Variants in SMG6 observed in about 807,000 individuals in gnomAD.
The protein encoded by SMG6 is SMG6 nonsense mediated mRNA decay factor, also known as telomerase-binding protein EST1A.
In SMG6, 66 loss-of-function variants were observed where a neutral mutation model predicts 142.2. The observed-to-expected ratio is 0.46, with a 90% confidence interval of 0.38 to 0.57. The LOEUF is 0.57. Ranked by LOEUF, SMG6 falls within the 20% of genes least tolerant of loss-of-function variation. SMG6 has a pLI of 0.00. For missense variants in SMG6, 1,793 were observed against 1,832.0 expected (o/e 0.98, Z 0.39); for synonymous variants, 779 against 702.4 (o/e 1.11, Z -1.72).
intron 13 of SMG6, among the ~76,000 whole-genome samples, chr17:2,165,294 A>C (rs2071302663): frequency 6.6e-6 from 1 of 152,126 alleles, no homozygotes; most frequent in Admixed American, 6.5e-5. Flanking sequence ...AAAAAAAAAA[A>C]ACTGAAAACT....
chr17:2,296,370 A>C (rs1229394947), intron 4 of SMG6, among the ~76,000 whole-genome samples: 1 of 152,132 alleles, frequency 6.6e-6, no homozygotes, highest in Non-Finnish European at 1.5e-5. Context: ...TCAGCTTGAC[A>C]ATCTCCAAGA....
intron 8 of SMG6, among the ~76,000 whole-genome samples, chr17:2,278,364 A>G (rs4790323): frequency 0.74 from 111,767 of 151,882 alleles, 41,613 homozygotes; most frequent in African/African-American, 0.79. Context: ...CACTATGCCC[A>G]GGTAACTTTT....
At chr17:2,257,996 G>A (rs1385616366) in intron 8 of SMG6, among the ~76,000 whole-genome samples, 1 of 123,726 alleles carries the variant, frequency 8.1e-6, no homozygotes, top group South Asian at 2.7e-4. Context: ...GCGACAAAGC[G>A]AGACTCTGTC....
At chr17:2,258,492 G>T (rs1465661185) in intron 8 of SMG6, among the ~76,000 whole-genome samples, 1 of 151,688 alleles carries the variant, frequency 6.6e-6, no homozygotes, top group Non-Finnish European at 1.5e-5. Flanking sequence ...GGGAAATGGA[G>T]GTTGCAGTGA....
chr17:2,224,716 AAACCAACCAACCAACC>A (rs34427018), intron 10 of SMG6, among the ~76,000 whole-genome samples: 14 of 152,046 alleles, frequency 9.2e-5, no homozygotes, highest in African/African-American at 3.4e-4. Flanking sequence ...ACTGATAGGA[AAACCAACCAACCAACC>A]AACCAACCAA....
chr17:2,255,183 T>C (rs2074138513), intron 8 of SMG6, among the ~76,000 whole-genome samples: 2 of 151,630 alleles, frequency 1.3e-5, no homozygotes. Flanking sequence ...GGCGGGCGGA[T>C]CACGAGGTCA....
At chr17:2,072,686 A>C (rs551940932) in intron 15 of SMG6, 1 of 152,306 alleles carries the variant, frequency 6.6e-6, no homozygotes, top group South Asian at 2.1e-4. Context: ...GCACTTGGAG[A>C]ACCTGGATCA....
intron 13 of SMG6, among the ~76,000 whole-genome samples, chr17:2,141,601 C>T (rs2070481355): frequency 1.3e-5 from 2 of 152,114 alleles, no homozygotes; most frequent in East Asian, 1.9e-4. Context: ...ACACCATACC[C>T]GCTAATTTTT....
intron 13 of SMG6, among the ~76,000 whole-genome samples, chr17:2,111,257 G>A (rs967954064): frequency 2.0e-5 from 3 of 152,130 alleles, no homozygotes; most frequent in Non-Finnish European, 4.4e-5. Context: ...GGGAAGTACT[G>A]TGAAAAAAAG....
rs1157828449 is a variant in SMG6, at chr17:2,207,115, TCCA to T, written c.2870-18603_2870-18601del. 8.5e-4 allele frequency among the ~76,000 whole-genome samples: 48 copies of T among 56,622 alleles called. 3 individuals carry two copies. Among genetic ancestry groups the T allele is most frequent in the South Asian group, 5.5e-3 (10 of 1,828 alleles). The allele number at this position is 56,622 out of a possible 152,430, so 37.1% of individuals were successfully genotyped here. A position where few individuals can be genotyped will look rare whatever the true frequency, so the allele number is the denominator to read the frequency against. ...GGTGAAATCTTGTCTCTACTAAAAATCCAAAAAAAAAAAAAAAAAAAAAAATAG... is the reference window on the plus strand; with the variant it reads ...GGTGAAATCTTGTCTCTACTAAAAATAAAAAAAAAAAAAAAAAAAAAATAG... On this transcript the variant is annotated intron_variant, in intron 10 of 18. Coordinates refer to ENST00000263073, the MANE Select transcript of SMG6 (RefSeq NM_017575.5).
chr17:2,087,420 C>T, intron 13 of SMG6: 6 of 1,186,258 alleles, frequency 5.1e-6, no homozygotes, highest in Non-Finnish European at 6.4e-6. Context: ...AAAAAGCCAA[C>T]CCCGCTTTCC....
At chr17:2,292,791 C>T in intron 5 of SMG6, 80 bp downstream of exon 5, 2 of 1,416,708 alleles carry the variant, frequency 1.4e-6, no homozygotes, top group South Asian at 2.3e-5. Flanking sequence ...TGTACAACAC[C>T]CACATGGCCT....
At chr17:2,094,866 T>G (rs564663025) in intron 13 of SMG6, 1 of 152,358 alleles carries the variant, frequency 6.6e-6, no homozygotes, top group Admixed American at 6.5e-5. Context: ...TTGCTCTTCT[T>G]GAACTGTTCC....
chr17:2,236,945 A>C (rs1318545064), intron 9 of SMG6: 5 of 659,554 alleles, frequency 7.6e-6, no homozygotes, highest in Middle Eastern at 6.6e-4. Flanking sequence ...ACTGTGTTCA[A>C]GCTAATATCA....
chr17:2,229,829 G>A (rs78050278), intron 10 of SMG6, among the ~76,000 whole-genome samples: 1 of 152,042 alleles, frequency 6.6e-6, no homozygotes, highest in East Asian at 1.9e-4. Context: ...TCTGGCCTGA[G>A]CCCCACACCC....
At chr17:2,066,132 G>T (rs544321797) in intron 16 of SMG6, 53 of 175,236 alleles carry the variant, frequency 3.0e-4, no homozygotes, top group Admixed American at 2.2e-3. Context: ...CAGCCCCACT[G>T]GTGGAGTGCA....
intron 8 of SMG6, chr17:2,256,054 C>T (rs772997114): frequency 2.9e-5 from 5 of 171,992 alleles, no homozygotes; most frequent in Admixed American, 6.4e-5. Context: ...TGCGGAGAGC[C>T]GCAGGGTCCT....
At position 2,251,299 on chromosome 17, in the gene SMG6, T is replaced by C. The variant is rs182146819; in HGVS notation, c.2662-6580A>G. Reference sequence around the variant, plus strand: ...AAAAAAAAAGCACGGGAAAACCAAATAGCGTGACTCAAATGCCTCGTAGGA... The same window carrying C: ...AAAAAAAAAGCACGGGAAAACCAAACAGCGTGACTCAAATGCCTCGTAGGA... On this transcript the variant is annotated intron_variant, in intron 8 of 18. Coordinates refer to ENST00000263073, the MANE Select transcript of SMG6 (RefSeq NM_017575.5). Among the ~76,000 whole-genome samples, 4 of 148,872 alleles carry C rather than the reference T, an allele frequency of 2.7e-5. No homozygotes were observed. In the East Asian group the frequency reaches 7.8e-4, roughly 29 times the overall value.
rs777049754 is a variant in SMG6 at position 2,282,640 on chromosome 17, A to G, written c.2661+7T>C. On this transcript the variant is annotated splice_region_variant and intron_variant, in intron 8 of 18. Coordinates refer to ENST00000263073, the MANE Select transcript of SMG6 (RefSeq NM_017575.5). ...TTTGGCTCATTGCATCATTCTCAGG[A>G]ACTTACATCACTGGGACTCAGGCTG... The G allele has an allele frequency of 1.2e-6, 2 of 1,613,434 alleles. No homozygotes were observed. Among genetic ancestry groups the G allele is most frequent in the Middle Eastern group, 1.7e-4 (1 of 5,718 alleles).
Sources: allele counts gnomAD v4.1 joint callset (sites outside exome capture counted in the v4.1 genomes callset), GRCh38; gene constraint gnomAD v4.1.1; transcripts MANE v1.5; gene names NCBI Gene and HGNC (gene_info 2026-07-23, HGNC 2026-07-21).